The following ATP1B3 variants were observed in gnomAD, a reference collection of about 807,000 sequenced individuals.
The protein encoded by ATP1B3 is sodium/potassium-transporting ATPase subunit beta-3.
A neutral mutation model predicts 30.2 loss-of-function variants in ATP1B3; 10 were observed. That is an observed-to-expected ratio of 0.33 (90% CI 0.20 to 0.56). The LOEUF (loss-of-function observed/expected upper bound fraction) is 0.56. Ranked by LOEUF, ATP1B3 falls within the 20% of genes least tolerant of loss-of-function variation. The probability of loss-of-function intolerance (pLI) is 0.90; values close to 1 mark genes in which losing one functional copy is unlikely to be tolerated. For missense variants in ATP1B3, 238 were observed against 336.7 expected (o/e 0.71, Z 2.29); for synonymous variants, 113 against 117.0 (o/e 0.97, Z 0.22).
intron 1 of ATP1B3, among the ~76,000 whole-genome samples, chr3:141,886,922 G>A (rs530985772): frequency 2.0e-5 from 3 of 152,162 alleles, no homozygotes; most frequent in Non-Finnish European, 4.4e-5. Flanking sequence ...ACAATCACTT[G>A]AGCCTGGGAG....
At chr3:141,896,190 T>TGG (rs141580260) in intron 1 of ATP1B3, among the ~76,000 whole-genome samples, 3,472 of 151,914 alleles carry the variant, frequency 0.023, 142 homozygotes, top group African/African-American at 0.08. Flanking sequence ...CCTTCTCGGC[T>TGG]GGGGATGATG....
intron 1 of ATP1B3, among the ~76,000 whole-genome samples, chr3:141,887,743 A>C (rs1933863022): frequency 6.6e-6 from 1 of 152,262 alleles, no homozygotes; most frequent in African/African-American, 2.4e-5. Context: ...AATGAACTAC[A>C]GATGTACAAA....
intron 6 of ATP1B3, among the ~76,000 whole-genome samples, chr3:141,924,775 T>C (rs899325387): frequency 1.1e-4 from 16 of 151,758 alleles, no homozygotes; most frequent in Non-Finnish European, 1.9e-4. Context: ...GCCAACATGG[T>C]GAAACCCCGT....
chr3:141,887,018 G>T (rs1300762777), intron 1 of ATP1B3, among the ~76,000 whole-genome samples: 1 of 152,030 alleles, frequency 6.6e-6, no homozygotes, highest in Non-Finnish European at 1.5e-5. Context: ...AAAGAAAAAA[G>T]ACATTGTATG....
intron 1 of ATP1B3, among the ~76,000 whole-genome samples, chr3:141,880,842 C>T (rs1933707152): frequency 6.6e-6 from 1 of 152,082 alleles, no homozygotes; most frequent in Admixed American, 6.5e-5. Context: ...ATCTGATTTG[C>T]CAAAATTCAC....
At chr3:141,901,863 G>A (rs148879885) in intron 1 of ATP1B3, among the ~76,000 whole-genome samples, 2 of 152,244 alleles carry the variant, frequency 1.3e-5, no homozygotes, top group African/African-American at 2.4e-5. Context: ...CCACTTTAAT[G>A]TCAACTGCAT....
intron 1 of ATP1B3, among the ~76,000 whole-genome samples, chr3:141,885,033 A>C (rs928589788): frequency 6.6e-6 from 1 of 152,118 alleles, no homozygotes; most frequent in Non-Finnish European, 1.5e-5. Flanking sequence ...ACTAACTTTC[A>C]TACCAGATAA....
At chr3:141,906,865 A>G (rs1934273563) in intron 2 of ATP1B3, among the ~76,000 whole-genome samples, 1 of 152,248 alleles carries the variant, frequency 6.6e-6, no homozygotes, top group Admixed American at 6.5e-5. Context: ...TTTTTTAAAA[A>G]TGCATATAGA....
At chr3:141,881,674 C>T (rs1247754751) in intron 1 of ATP1B3, among the ~76,000 whole-genome samples, 1 of 152,176 alleles carries the variant, frequency 6.6e-6, no homozygotes, top group Non-Finnish European at 1.5e-5. Flanking sequence ...GCAATGAGAC[C>T]TTGGCAAGGA....
chr3:141,915,855 A>G (rs993923487), intron 4 of ATP1B3, 115 bp from the exon 5 acceptor site: 5 of 653,288 alleles, frequency 7.7e-6, no homozygotes, highest in Non-Finnish European at 1.3e-5. Context: ...AGGCAGATGT[A>G]TACAGACTTG....
At chr3:141,878,908 T>G (rs767475985) in intron 1 of ATP1B3, among the ~76,000 whole-genome samples, 2 of 152,218 alleles carry the variant, frequency 1.3e-5, no homozygotes, top group Non-Finnish European at 2.9e-5. Flanking sequence ...GAAATCCATA[T>G]TCAGCTTGCC....
intron 5 of ATP1B3, chr3:141,916,385 G>T (rs111869164): frequency 8.4e-6 from 4 of 474,136 alleles, no homozygotes; most frequent in South Asian, 4.6e-5. Flanking sequence ...GTTAGTTGGC[G>T]TGCTAGTCAT....
At chr3:141,887,587 C>A (rs1441050490) in intron 1 of ATP1B3, among the ~76,000 whole-genome samples, 2 of 152,172 alleles carry the variant, frequency 1.3e-5, no homozygotes, top group South Asian at 2.1e-4. Context: ...TGAAAACATA[C>A]GTTCACAAAA....
At chr3:141,912,302 C>T (rs1934379390) in intron 3 of ATP1B3, among the ~76,000 whole-genome samples, 2 of 151,756 alleles carry the variant, frequency 1.3e-5, no homozygotes, top group Non-Finnish European at 2.9e-5. Context: ...TGAGATGGAG[C>T]CTCACTGTGT....
chr3:141,890,285 C>CCTT (rs1933922761), intron 1 of ATP1B3, among the ~76,000 whole-genome samples: 1 of 28,568 alleles, frequency 3.5e-5, no homozygotes, highest in African/African-American at 1.4e-4. Context: ...TTTTGTGGGG[C>CCTT]TTTTTTTTTT....
intron 2 of ATP1B3, among the ~76,000 whole-genome samples, chr3:141,904,397 T>C (rs554351549): frequency 2.0e-5 from 3 of 152,040 alleles, no homozygotes; most frequent in Non-Finnish European, 4.4e-5. Context: ...GAGTGACTTA[T>C]GAGTATCGTA....
intron 1 of ATP1B3, among the ~76,000 whole-genome samples, chr3:141,891,648 C>CT (rs1462511197): frequency 6.6e-6 from 1 of 151,916 alleles, no homozygotes; most frequent in Non-Finnish European, 1.5e-5. Context: ...ATCTCTCCTA[C>CT]TTTCTTTGTA....
intron 3 of ATP1B3, among the ~76,000 whole-genome samples, chr3:141,910,213 CCA>C: frequency 6.6e-6 from 1 of 152,130 alleles, no homozygotes; most frequent in Non-Finnish European, 1.5e-5. Flanking sequence ...CTCAAGTGAT[CCA>C]CCTGCCTCCG....
intron 1 of ATP1B3, among the ~76,000 whole-genome samples, chr3:141,895,888 G>C (rs1406068051): frequency 2.0e-5 from 3 of 152,112 alleles, no homozygotes; most frequent in Non-Finnish European, 4.4e-5. Context: ...TACATGGTAC[G>C]GTCAGTCTTT....
Sources: allele counts gnomAD v4.1 joint callset (sites outside exome capture counted in the v4.1 genomes callset), GRCh38; gene constraint gnomAD v4.1.1; transcripts MANE v1.5; gene names NCBI Gene and HGNC (gene_info 2026-07-23, HGNC 2026-07-21).